The following UPF1 variants were observed in gnomAD, a reference collection of about 807,000 sequenced individuals.
UPF1 encodes the protein UPF1 RNA helicase and ATPase.
Under a neutral mutation model 129.2 loss-of-function variants are expected in UPF1, and 9 were observed. The observed-to-expected ratio is 0.07, with a 90% CI of 0.04 to 0.12. The LOEUF (loss-of-function observed/expected upper bound fraction) is 0.12, where lower values mean the gene tolerates loss of function less well. Among genes scored for constraint, UPF1 ranks in the 10% least tolerant of loss-of-function variants. The pLI is 1.00. For missense variants in UPF1, 788 were observed against 1,525.3 expected (o/e 0.52, Z 8.05); for synonymous variants, 649 against 644.9 (o/e 1.01, Z -0.10).
intron 1 of UPF1, among the ~76,000 whole-genome samples, chr19:18,845,597 CA>C (rs1160524711): frequency 6.6e-6 from 1 of 152,148 alleles, no homozygotes; most frequent in African/African-American, 2.4e-5. Flanking sequence ...ATGAGCCTTA[CA>C]CTGTGGTGGG....
At chr19:18,838,132 G>A (rs1344810531) in intron 1 of UPF1, among the ~76,000 whole-genome samples, 3 of 152,242 alleles carry the variant, frequency 2.0e-5, no homozygotes, top group African/African-American at 7.2e-5. Context: ...TGACCAAGGC[G>A]GGGTGAGTTC....
chr19:18,843,719 G>GTA (rs2055567437), intron 1 of UPF1, among the ~76,000 whole-genome samples: 1 of 67,220 alleles, frequency 1.5e-5, no homozygotes, highest in Non-Finnish European at 3.0e-5. Context: ...GGCCAGGCTT[G>GTA]TGTGTGTGTG....
intron 19 of UPF1, among the ~76,000 whole-genome samples, 163 bp downstream of exon 19, chr19:18,863,775 C>T (rs943173247): frequency 6.7e-6 from 1 of 149,624 alleles, no homozygotes; most frequent in Non-Finnish European, 1.5e-5. Context: ...CTTCTTGTCT[C>T]CCGAGCCGTG....
rs748676344 is a variant in UPF1 at position 18,854,717 on chromosome 19, T to G, written c.1265+8T>G. ...GTCGACCTCCTTTGACAGGTACGTC[T>G]TCTCCCATCACTGCCCCCTGTTCCC... On this transcript the variant is annotated splice_region_variant and intron_variant, in intron 9 of 23. Coordinates refer to ENST00000262803, the MANE Select transcript of UPF1 (RefSeq NM_002911.4). 3 of 1,612,958 alleles carry G rather than the reference T, an allele frequency of 1.9e-6. No homozygotes were observed. Among genetic ancestry groups the G allele is most frequent in the Non-Finnish European group, 2.5e-6 (3 of 1,179,602 alleles).
intron 11 of UPF1, 56 bp from the exon 12 acceptor site, chr19:18,855,869 C>G (rs1252245934): frequency 6.3e-7 from 1 of 1,591,396 alleles, no homozygotes; most frequent in Non-Finnish European, 8.6e-7. Context: ...TCTTGGCTTA[C>G]TACGTTCACC....
intron 1 of UPF1, among the ~76,000 whole-genome samples, chr19:18,841,110 G>A (rs996408551): frequency 4.6e-5 from 7 of 152,266 alleles, no homozygotes; most frequent in Non-Finnish European, 1.0e-4. Context: ...GGATCCATGC[G>A]CATAGCTTGC....
intron 3 of UPF1, chr19:18,848,114 T>C (rs762532671): frequency 1.6e-5 from 6 of 382,600 alleles, no homozygotes; most frequent in Non-Finnish European, 2.9e-5. Flanking sequence ...GATGAGCTCT[T>C]GGCACACCCG....
rs552299622 is a variant in UPF1, at chr19:18,836,322, G to A, written c.231+3882G>A. 3.0e-4 allele frequency among the ~76,000 whole-genome samples: 45 copies of A among 152,284 alleles called. No individual in the cohort carries two copies. The East Asian group carries it at 3.9e-3, about 13-fold the overall frequency. Reference sequence around the variant, plus strand: ...AGCTTCTGCCCTGGATCCTCCAAACGGGAACTAGAGTGAAACTCTTAAGAG... The same window carrying A: ...AGCTTCTGCCCTGGATCCTCCAAACAGGAACTAGAGTGAAACTCTTAAGAG... On this transcript the variant is annotated intron_variant, in intron 1 of 23. Transcript: ENST00000262803.
At chr19:18,855,544 C>A in intron 11 of UPF1, 1 of 529,296 alleles carries the variant, frequency 1.9e-6, no homozygotes. Context: ...CAAGTTCCAG[C>A]CTTGGCATTG....
Position 18,854,897 on chromosome 19 carries a change from A to G in UPF1, c.1284A>G (p.Lys428=), listed in dbSNP as rs1289150584. ...CTCACAGGATGCAGAGCGCATTGAA[A>G]ACGTTTGCCGTGGATGAGACCTCGG... ...TSFDRMQSAL[K]TFAVDETSVS... is the part of the protein sequence containing the mutation. The change falls in exon 10 of 24, where the codon AAA becomes AAG. Residue 428 remains lysine (K), a synonymous_variant. Transcript: ENST00000262803. 4 of 1,614,150 alleles carry G rather than the reference A, an allele frequency of 2.5e-6. No individual in the cohort carries two copies. The East Asian group carries it at 6.7e-5, about 27-fold the overall frequency.
intron 1 of UPF1, among the ~76,000 whole-genome samples, chr19:18,838,189 T>C (rs767024389): frequency 2.0e-5 from 3 of 152,248 alleles, no homozygotes; most frequent in Non-Finnish European, 4.4e-5. Flanking sequence ...AATCTGCACA[T>C]GTAGCTGGGC....
At chr19:18,841,383 G>C (rs1431034558) in intron 1 of UPF1, among the ~76,000 whole-genome samples, 1 of 152,238 alleles carries the variant, frequency 6.6e-6, no homozygotes, top group African/African-American at 2.4e-5. Context: ...TCTAGAAGCA[G>C]AAAAGGGCGC....
chr19:18,865,440 G>C lies in UPF1; in HGVS notation c.3009G>C (p.Gly1003=). 1 of 1,613,398 alleles carries C rather than the reference G, an allele frequency of 6.2e-7. No homozygotes were observed. Among genetic ancestry groups the C allele is most frequent in the Non-Finnish European group, 8.5e-7 (1 of 1,179,470 alleles). The change falls in exon 21 of 24, where the codon GGG becomes GGC. Residue 1003 remains glycine, a synonymous_variant. Coordinates refer to ENST00000262803, the MANE Select transcript of UPF1 (RefSeq NM_002911.4). This position sits in a 1 kb window ranked among gnomAD's most constrained non-coding sequence, Gnocchi z 6.1. ...PPPGYFGQAN[G]PAAGRGTPKG... ...CTGGCTATTTTGGACAAGCCAACGG[G>C]CCTGCTGCAGGTGAGCATCTGTGGC...
intron 1 of UPF1, among the ~76,000 whole-genome samples, chr19:18,839,067 T>C (rs989219497): frequency 1.3e-5 from 2 of 152,112 alleles, no homozygotes; most frequent in African/African-American, 4.8e-5. Flanking sequence ...CATTGCTTGA[T>C]TGAAGTCTGA....
rs1203593682 is a variant in UPF1, at chr19:18,852,052, A to C, written c.811-83A>C. 8 of 1,464,136 alleles carry C rather than the reference A, an allele frequency of 5.5e-6. No individual in the cohort carries two copies. The African/African-American group carries it at 1.0e-4, about 18-fold the overall frequency. The allele number at this position is 1,464,136 out of a possible 1,614,324, so 90.7% of individuals were successfully genotyped here. A position where few individuals can be genotyped will look rare whatever the true frequency, so the allele number is the denominator to read the frequency against. ...TTCTGAGAAGCGGCATGTGTGCTCC[A>C]TCCCTCTGGTGCCTCTGCGCCCTCG... On this transcript the variant is annotated intron_variant, in intron 5 of 23. Transcript: ENST00000262803.
chr19:18,861,420 C>G (rs2055777935), intron 17 of UPF1, among the ~76,000 whole-genome samples: 1 of 152,198 alleles, frequency 6.6e-6, no homozygotes, highest in East Asian at 1.9e-4. Context: ...AGGAAATGAG[C>G]CCAAGTGCTG....
At chr19:18,857,582 A>G (rs770967984) in intron 15 of UPF1, 49 bp downstream of exon 15, 2 of 1,522,650 alleles carry the variant, frequency 1.3e-6, no homozygotes, top group Non-Finnish European at 1.8e-6. Context: ...AAGCGGCATC[A>G]AGGGAATGTG....
rs560528193 is a variant in UPF1, at chr19:18,853,394, A to T, written c.1156+44A>T. On this transcript the variant is annotated intron_variant, in intron 8 of 23. Coordinates refer to ENST00000262803, the MANE Select transcript of UPF1 (RefSeq NM_002911.4). This position sits in a 1 kb window ranked among gnomAD's most constrained non-coding sequence, Gnocchi z 4.4. ...GGGTGTGGCCGGCTGGTGGGAGAGG[A>T]AAGTGGGGGCATCAGGTGGAGGCCA... 1 of 1,542,904 alleles carries T rather than the reference A, an allele frequency of 6.5e-7. No homozygotes were observed. The highest frequency in any genetic ancestry group is 1.2e-5 in the South Asian group (1 of 81,622).
In UPF1 at chr19:18,832,188, G is replaced by T. The variant is rs866738175; in HGVS notation, c.-22G>T. The T allele has an allele frequency of 3.9e-6, 6 of 1,527,078 alleles. No individual in the cohort carries two copies. In the Middle Eastern group the frequency reaches 8.7e-4, roughly 221 times the overall value. 94.6% of individuals were successfully genotyped at this position (1,527,078 alleles called of 1,614,324 possible). A position where few individuals can be genotyped will look rare whatever the true frequency, so the allele number is the denominator to read the frequency against. On this transcript the variant is annotated 5_prime_UTR_variant, in exon 1 of 24. Transcript: ENST00000262803. The surrounding 1 kb of genome is among the most constrained non-coding windows in gnomAD (Gnocchi z 5.6). ...CTCGAGTGCAGCGCGGAACCGGCCC[G>T]AGGGCCCTACCCGGAGGCACCATGA...
Sources: allele counts gnomAD v4.1 joint callset (sites outside exome capture counted in the v4.1 genomes callset), GRCh38; gene constraint gnomAD v4.1.1; non-coding constraint Gnocchi (gnomAD v3.1); transcripts MANE v1.5; gene names NCBI Gene and HGNC (gene_info 2026-07-23, HGNC 2026-07-21).